HPSE2: variants seen among roughly 807,000 people sequenced by gnomAD.
HPSE2 encodes the protein heparanase 2 (inactive), also known as inactive heparanase-2.
In HPSE2, 38 loss-of-function variants were observed where a neutral mutation model predicts 60.5. That is an observed-to-expected ratio of 0.63 (90% confidence interval 0.48 to 0.82). The LOEUF (loss-of-function observed/expected upper bound fraction) is 0.82. HPSE2 is among the 40% of genes least tolerant of loss of function. The pLI is 0.00. For missense variants in HPSE2, 713 were observed against 740.4 expected, an observed-to-expected ratio of 0.96 and a Z score of 0.43; for synonymous variants, 295 against 293.2, an observed-to-expected ratio of 1.01 and a Z score of -0.06.
At chr10:98,672,350 T>A (rs1947528206) in intron 6 of HPSE2, among the ~76,000 whole-genome samples, 1 of 152,224 alleles carries the variant, frequency 6.6e-6, no homozygotes, top group Non-Finnish European at 1.5e-5. Flanking sequence ...GAAACAGCCA[T>A]GCAACTCTAG....
intron 2 of HPSE2, among the ~76,000 whole-genome samples, chr10:99,169,504 C>CAAAAAAAAAAAAAAAAA (rs562946052): frequency 1.8e-5 from 1 of 54,734 alleles, no homozygotes; most frequent in Admixed American, 3.5e-4. Context: ...GACTCCGTCT[C>CAAAAAAAAAAAAAAAAA]AAAAAAAAAA....
intron 3 of HPSE2, among the ~76,000 whole-genome samples, chr10:99,127,234 G>A (rs536327759): frequency 2.6e-5 from 4 of 152,124 alleles, no homozygotes; most frequent in African/African-American, 9.6e-5. Context: ...CTAACTTAAA[G>A]AAATGAAAAG....
intron 3 of HPSE2, among the ~76,000 whole-genome samples, chr10:98,961,095 T>C (rs1214385992): frequency 5.7e-5 from 2 of 35,122 alleles, no homozygotes; most frequent in Admixed American, 6.0e-4. Context: ...GGCTGCATAG[T>C]ATTCCATGGT....
At chr10:98,790,989 A>G (rs1310488339) in intron 3 of HPSE2, among the ~76,000 whole-genome samples, 2 of 152,210 alleles carry the variant, frequency 1.3e-5, no homozygotes, top group Non-Finnish European at 2.9e-5. Context: ...GTGATGAGGT[A>G]TGTCAAAGCA....
chr10:99,037,699 A>G lies in HPSE2; in HGVS notation c.610+106539T>C, dbSNP rs74371326. Among the ~76,000 whole-genome samples, 513 of 152,160 alleles carry G rather than the reference A, an allele frequency of 3.4e-3. 2 individuals are homozygous for G. Among genetic ancestry groups the G allele is most frequent in the African/African-American group, 0.012 (489 of 41,568 alleles). On this transcript the variant is annotated intron_variant, in intron 3 of 11. Coordinates refer to ENST00000370552, the MANE Select transcript of HPSE2 (RefSeq NM_021828.5). ...AAATGAGAGAAGACTTGCATCAACCAATGATGATAATGTTCTACGACATGA... is the reference window on the plus strand; with the variant it reads ...AAATGAGAGAAGACTTGCATCAACCGATGATGATAATGTTCTACGACATGA...
chr10:98,989,102 T>G (rs1317178823), intron 3 of HPSE2, among the ~76,000 whole-genome samples: 1 of 151,902 alleles, frequency 6.6e-6, no homozygotes, highest in Non-Finnish European at 1.5e-5. Context: ...TCCTCAGGGA[T>G]CTAGAACTAG....
intron 3 of HPSE2, among the ~76,000 whole-genome samples, chr10:99,035,334 A>G (rs60787222): frequency 0.011 from 1,750 of 152,282 alleles, 31 homozygotes; most frequent in African/African-American, 0.041. Flanking sequence ...AGGCCTACAC[A>G]GGATCAAGAT....
chr10:98,748,267 T>C (rs895909069), intron 3 of HPSE2, among the ~76,000 whole-genome samples: 2 of 152,150 alleles, frequency 1.3e-5, no homozygotes, highest in East Asian at 1.9e-4. Context: ...ATCACACCAT[T>C]GCACTCCAGC....
chr10:99,169,938 A>G (rs1006006233), intron 2 of HPSE2, among the ~76,000 whole-genome samples: 6 of 152,174 alleles, frequency 3.9e-5, no homozygotes, highest in Non-Finnish European at 7.3e-5. Flanking sequence ...TTTCTAAATT[A>G]AAAAAACAAA....
chr10:99,095,125 G>A (rs1843674985), intron 3 of HPSE2, among the ~76,000 whole-genome samples: 2 of 151,990 alleles, frequency 1.3e-5, no homozygotes, highest in African/African-American at 4.8e-5. Context: ...GTTCAAGGCT[G>A]CAGTGAGCTA....
intron 11 of HPSE2, among the ~76,000 whole-genome samples, chr10:98,473,008 A>C (rs1455288490): frequency 6.6e-6 from 1 of 152,236 alleles, no homozygotes; most frequent in Non-Finnish European, 1.5e-5. Flanking sequence ...CATATGAAAA[A>C]TCTTCAGGCT....
chr10:99,213,437 T>C (rs912001334), intron 2 of HPSE2, among the ~76,000 whole-genome samples: 1 of 152,098 alleles, frequency 6.6e-6, no homozygotes, highest in African/African-American at 2.4e-5. Flanking sequence ...ATAATGTCCA[T>C]GATCAAAGGA....
At chr10:98,849,726 T>C (rs1349559362) in intron 3 of HPSE2, among the ~76,000 whole-genome samples, 1 of 152,200 alleles carries the variant, frequency 6.6e-6, no homozygotes, top group Non-Finnish European at 1.5e-5. Context: ...TAAAGTATTT[T>C]AAGTTGGCCC....
intron 9 of HPSE2, among the ~76,000 whole-genome samples, chr10:98,536,290 A>G (rs1462834393): frequency 6.6e-6 from 1 of 152,240 alleles, no homozygotes. Flanking sequence ...GGATATTCTC[A>G]GTTTATTATT....
intron 7 of HPSE2, among the ~76,000 whole-genome samples, chr10:98,632,766 G>T (rs191966398): frequency 9.9e-5 from 15 of 152,260 alleles, no homozygotes; most frequent in Admixed American, 9.8e-4. Context: ...ATAATTTGCA[G>T]ATTTCCTTGT....
At chr10:98,974,286 A>T (rs556279791) in intron 3 of HPSE2, among the ~76,000 whole-genome samples, 1 of 149,262 alleles carries the variant, frequency 6.7e-6, no homozygotes, top group Non-Finnish European at 1.5e-5. Flanking sequence ...GTGACTCTGG[A>T]AAAAAAAAAG....
chr10:99,154,284 C>A (rs1296303281), intron 2 of HPSE2, among the ~76,000 whole-genome samples: 7 of 132,746 alleles, frequency 5.3e-5, no homozygotes. Context: ...AAGAGCAACT[C>A]CAAGACACAT....
chr10:98,507,209 G>A (rs1942230766), intron 9 of HPSE2, among the ~76,000 whole-genome samples: 1 of 152,252 alleles, frequency 6.6e-6, no homozygotes, highest in East Asian at 1.9e-4. Context: ...GTTGATGGGA[G>A]TTATTGGTAA....
intron 9 of HPSE2, among the ~76,000 whole-genome samples, chr10:98,564,117 C>T (rs1411529799): frequency 6.6e-6 from 1 of 152,186 alleles, no homozygotes; most frequent in Non-Finnish European, 1.5e-5. Flanking sequence ...GCAGACTGCT[C>T]TTACCAGTAG....
Sources: gnomAD v4.1 joint callset for allele counts (sites outside exome capture counted in the v4.1 genomes callset) on GRCh38, gnomAD v4.1.1 for gene constraint, MANE v1.5 for transcripts, NCBI Gene and HGNC (gene_info 2026-07-23, HGNC 2026-07-21) for gene names.